The following FHIP1A variants were observed in gnomAD, a reference collection of about 807,000 sequenced individuals.
FHIP1A encodes FHF complex subunit HOOK-interacting protein 1A.
Under a neutral mutation model 88.6 loss-of-function variants are expected in FHIP1A, and 61 were observed. The ratio of observed to expected loss-of-function variants is 0.69; its 90% CI spans 0.56 to 0.85. The LOEUF is 0.85. Ranked by LOEUF, FHIP1A falls within the 40% of genes least tolerant of loss-of-function variation. FHIP1A has a pLI of 0.00. For missense variants in FHIP1A, 1,154 were observed against 1,273.5 expected (o/e 0.91, Z 1.43); for synonymous variants, 478 against 496.0 (o/e 0.96, Z 0.48).
intron 1 of FHIP1A, among the ~76,000 whole-genome samples, chr4:151,442,321 C>T (rs1171584235): frequency 6.6e-6 from 1 of 151,744 alleles, no homozygotes; most frequent in Non-Finnish European, 1.5e-5. Flanking sequence ...GAACAGAAGC[C>T]CACTCAAATT....
At chr4:151,609,899 A>C (rs1735257287) in intron 7 of FHIP1A, among the ~76,000 whole-genome samples, 1 of 152,126 alleles carries the variant, frequency 6.6e-6, no homozygotes, top group Admixed American at 6.6e-5. Flanking sequence ...AAAACAAAAA[A>C]CCCCAAAAAA....
rs114045303 is a variant in FHIP1A at position 151,498,506 on chromosome 4, C to A, written c.-123+15858C>A. 9.8e-3 allele frequency among the ~76,000 whole-genome samples: 1,492 copies of A among 152,204 alleles called. 13 individuals are homozygous for A. Among genetic ancestry groups the A allele is most frequent in the Non-Finnish European group, 0.017 (1,139 of 67,984 alleles). ...TGCTGTGTTTGGCCCTCACTCTACT[C>A]CCTGGGTATCCTTAAAAATGAAATT... On this transcript the variant is annotated intron_variant, in intron 3 of 13. Transcript: ENST00000435205.
chr4:151,428,285 G>A (rs1054290235), intron 1 of FHIP1A, among the ~76,000 whole-genome samples: 2 of 151,870 alleles, frequency 1.3e-5, no homozygotes, highest in Non-Finnish European at 1.5e-5. Flanking sequence ...AATATGATGC[G>A]GAAGGCTGAT....
intron 3 of FHIP1A, among the ~76,000 whole-genome samples, chr4:151,492,582 G>T (rs1730321582): frequency 6.8e-6 from 1 of 146,012 alleles, no homozygotes; most frequent in South Asian, 2.1e-4. Flanking sequence ...ACGGAGTGAG[G>T]CTGTGTCTCA....
intron 3 of FHIP1A, among the ~76,000 whole-genome samples, chr4:151,485,282 G>GTTTTTTGT (rs1156914780): frequency 8.4e-6 from 1 of 118,742 alleles, no homozygotes; most frequent in East Asian, 2.5e-4. Flanking sequence ...ATCTTTTCCA[G>GTTTTTTGT]TTTTTTTTTT....
At chr4:151,434,142 G>T (rs186225230) in intron 1 of FHIP1A, among the ~76,000 whole-genome samples, 1 of 152,298 alleles carries the variant, frequency 6.6e-6, no homozygotes, top group Admixed American at 6.5e-5. Flanking sequence ...TACTGTGTAA[G>T]ACTTCATGGT....
At chr4:151,575,711 T>A (rs1733762205) in intron 4 of FHIP1A, among the ~76,000 whole-genome samples, 1 of 152,180 alleles carries the variant, frequency 6.6e-6, no homozygotes, top group African/African-American at 2.4e-5. Context: ...TCTGTGGAAA[T>A]TCTTTTATTC....
At position 151,556,940 on chromosome 4, in the gene FHIP1A, G is replaced by GA. The variant is rs952704618; in HGVS notation, c.-122-9188dup. 7.2e-3 allele frequency among the ~76,000 whole-genome samples: 1,075 copies of GA among 148,852 alleles called. 12 individuals carry two copies. Among genetic ancestry groups the GA allele is most frequent in the African/African-American group, 0.023 (956 of 40,742 alleles). On this transcript the variant is annotated intron_variant, in intron 3 of 13. Transcript: ENST00000435205. ...TCAGCTGTTTTGTCCAACTTAATGA[G>GA]AAAAAAAAAATGTGTTGGTTTCCAA... is the stretch of plus-strand genomic sequence containing the variant.
intron 7 of FHIP1A, among the ~76,000 whole-genome samples, chr4:151,591,952 A>C (rs1474075225): frequency 6.6e-6 from 1 of 152,130 alleles, no homozygotes; most frequent in Non-Finnish European, 1.5e-5. Flanking sequence ...TTTATAGTAG[A>C]ATGATTTATA....
chr4:151,656,266 G>A lies in FHIP1A; in HGVS notation c.2586G>A (p.Glu862=). 6.4e-7 allele frequency: 1 copy of A among 1,551,666 alleles called. No homozygotes were observed. The highest frequency in any genetic ancestry group is 8.7e-7 in the Non-Finnish European group (1 of 1,146,974). The part of the protein sequence containing the change: ...PFISVVLSKL[E]NMLENSLHVN... Reference sequence around the variant, plus strand: ...TCAGCGTAGTCCTGTCAAAGCTGGAGAACATGCTGGAGAACTCTTTACATG... The same window carrying A: ...TCAGCGTAGTCCTGTCAAAGCTGGAAAACATGCTGGAGAACTCTTTACATG... Residue 862 remains glutamate (E), a synonymous_variant, in exon 12 of 14, where the codon GAG becomes GAA. Transcript: ENST00000435205. This position sits in a 1 kb window ranked among gnomAD's most constrained non-coding sequence, Gnocchi z 4.2.
intron 8 of FHIP1A, among the ~76,000 whole-genome samples, chr4:151,637,586 T>G (rs1736401062): frequency 6.6e-6 from 1 of 152,144 alleles, no homozygotes; most frequent in Non-Finnish European, 1.5e-5. Flanking sequence ...GAAACCTAAC[T>G]GAGCTGGGGA....
chr4:151,614,402 G>A lies in FHIP1A; in HGVS notation c.979-15300G>A, dbSNP rs892288259. Among the ~76,000 whole-genome samples, 4 of 151,014 alleles carry A rather than the reference G, an allele frequency of 2.6e-5. No individual in the cohort carries two copies. In the South Asian group the frequency reaches 6.3e-4, roughly 24 times the overall value. ...GAGATTTGCTTGACCCTGGGACCTCGAGGCTACAGTAAGCGGTGATCACGC... is the reference window on the plus strand; with the variant it reads ...GAGATTTGCTTGACCCTGGGACCTCAAGGCTACAGTAAGCGGTGATCACGC... On this transcript the variant is annotated intron_variant, in intron 7 of 13. Transcript: ENST00000435205.
At chr4:151,632,894 C>T (rs567827718) in intron 8 of FHIP1A, among the ~76,000 whole-genome samples, 19 of 151,928 alleles carry the variant, frequency 1.3e-4, no homozygotes, top group African/African-American at 4.6e-4. Flanking sequence ...AAGCAACAAC[C>T]TAACTATACA....
At chr4:151,536,026 A>G (rs1185953587) in intron 3 of FHIP1A, among the ~76,000 whole-genome samples, 1 of 152,242 alleles carries the variant, frequency 6.6e-6, no homozygotes, top group East Asian at 1.9e-4. Flanking sequence ...AGCATTGCCA[A>G]ATGCCTTCTG....
intron 11 of FHIP1A, among the ~76,000 whole-genome samples, chr4:151,651,058 A>G (rs941096782): frequency 3.3e-5 from 5 of 152,234 alleles, no homozygotes; most frequent in Non-Finnish European, 5.9e-5. Context: ...AGGTGCTCAG[A>G]GTCCGTGTTG....
At chr4:151,641,832 T>C (rs1273820679) in intron 9 of FHIP1A, among the ~76,000 whole-genome samples, 1 of 152,244 alleles carries the variant, frequency 6.6e-6, no homozygotes, top group Non-Finnish European at 1.5e-5. Flanking sequence ...TAATCTGTCC[T>C]TTTTGTTTGT....
chr4:151,488,914 G>A (rs1163002072), intron 3 of FHIP1A, among the ~76,000 whole-genome samples: 2 of 152,162 alleles, frequency 1.3e-5, no homozygotes, highest in African/African-American at 4.8e-5. Context: ...CTGGTGGAGA[G>A]AGAGTGGGAA....
At chr4:151,556,484 G>T (rs1732951121) in intron 3 of FHIP1A, among the ~76,000 whole-genome samples, 1 of 152,082 alleles carries the variant, frequency 6.6e-6, no homozygotes, top group Non-Finnish European at 1.5e-5. Flanking sequence ...AATTTTACTT[G>T]AGTTGTCTCT....
In FHIP1A at chr4:151,663,312, TC is replaced by T. The variant is rs1737543162; in HGVS notation, c.*562del. 6.6e-6 allele frequency: 1 copy of T among 152,214 alleles called. No homozygotes were observed. The highest frequency in any genetic ancestry group is 6.5e-5 in the Admixed American group (1 of 15,284). 9.4% of individuals were successfully genotyped at this position (152,214 alleles called of 1,614,324 possible). A position where few individuals can be genotyped will look rare whatever the true frequency, so the allele number is the denominator to read the frequency against. ...GATTTTACTTCCAGGACGTGTGTCG[TC>T]CCCAGCGTGTGTTGCCTTATGGTGC... is the stretch of plus-strand genomic sequence containing the variant. On this transcript the variant is annotated 3_prime_UTR_variant, in exon 14 of 14. Transcript: ENST00000435205.
Sources: allele counts gnomAD v4.1 joint callset (sites outside exome capture counted in the v4.1 genomes callset), GRCh38; gene constraint gnomAD v4.1.1; non-coding constraint Gnocchi (gnomAD v3.1); transcripts MANE v1.5; gene names NCBI Gene and HGNC (gene_info 2026-07-23, HGNC 2026-07-21).